LRRC4C: variants seen among roughly 807,000 people sequenced by gnomAD.
The protein encoded by LRRC4C is leucine-rich repeat-containing protein 4C.
In LRRC4C, 5 loss-of-function variants were observed where a neutral mutation model predicts 33.6. The ratio of observed to expected loss-of-function variants is 0.15; its 90% CI spans 0.08 to 0.31. The LOEUF is 0.31. Ranked by LOEUF, LRRC4C falls within the 10% of genes least tolerant of loss-of-function variation. The pLI, the probability that LRRC4C is intolerant of heterozygous loss-of-function variation, is 1.00. For missense variants in LRRC4C, 560 were observed against 796.7 expected (o/e 0.70, Z 3.58); for synonymous variants, 329 against 302.0 (o/e 1.09, Z -0.93).
intron 1 of LRRC4C, among the ~76,000 whole-genome samples, chr11:41,016,923 G>T (rs1457892251): frequency 6.6e-6 from 1 of 152,106 alleles, no homozygotes; most frequent in Non-Finnish European, 1.5e-5. Flanking sequence ...ATTTTTGAAG[G>T]AATTGGAAGG....
intron 2 of LRRC4C, among the ~76,000 whole-genome samples, chr11:40,694,510 C>A (rs937113778): frequency 1.3e-5 from 2 of 152,040 alleles, no homozygotes; most frequent in African/African-American, 4.8e-5. Flanking sequence ...GAGGTAATAG[C>A]AGCTAAATGC....
chr11:40,116,700 G>A (rs1184038075), intron 6 of LRRC4C, among the ~76,000 whole-genome samples: 1 of 152,056 alleles, frequency 6.6e-6, no homozygotes, highest in Non-Finnish European at 1.5e-5. Context: ...TAGGACTTTG[G>A]GGCTATATCA....
At chr11:40,338,765 C>T (rs1206917075) in intron 3 of LRRC4C, among the ~76,000 whole-genome samples, 2 of 152,084 alleles carry the variant, frequency 1.3e-5, no homozygotes, top group Non-Finnish European at 2.9e-5. Flanking sequence ...ATGAATGAAT[C>T]TCATCTATTG....
chr11:40,565,198 C>T (rs1281031846), intron 3 of LRRC4C, among the ~76,000 whole-genome samples: 1 of 152,144 alleles, frequency 6.6e-6, no homozygotes, highest in Non-Finnish European at 1.5e-5. Context: ...CCCCAGCAAC[C>T]GTGGAGAAAT....
chr11:40,669,389 T>C (rs1282385537), intron 2 of LRRC4C, among the ~76,000 whole-genome samples: 1 of 152,202 alleles, frequency 6.6e-6, no homozygotes, highest in Non-Finnish European at 1.5e-5. Context: ...AGAGACTCAC[T>C]TTTCCCTGCT....
At chr11:41,105,743 TAC>T (rs1941456468) in intron 1 of LRRC4C, among the ~76,000 whole-genome samples, 1 of 152,050 alleles carries the variant, frequency 6.6e-6, no homozygotes, top group Admixed American at 6.6e-5. Context: ...GTTGGAAATT[TAC>T]AGAGAACCAG....
intron 5 of LRRC4C, among the ~76,000 whole-genome samples, chr11:40,178,544 C>T (rs1042141912): frequency 5.3e-5 from 8 of 152,172 alleles, no homozygotes; most frequent in Non-Finnish European, 1.0e-4. Flanking sequence ...TGCTTTATGG[C>T]CTTCTGAAAT....
At chr11:40,902,945 C>T (rs527699707) in intron 2 of LRRC4C, among the ~76,000 whole-genome samples, 2 of 152,144 alleles carry the variant, frequency 1.3e-5, no homozygotes, top group African/African-American at 4.8e-5. Flanking sequence ...GCAAGTTACC[C>T]GGAAGATCTA....
At chr11:40,157,666 A>G (rs575973536) in intron 5 of LRRC4C, among the ~76,000 whole-genome samples, 17 of 152,312 alleles carry the variant, frequency 1.1e-4, no homozygotes, top group Admixed American at 5.9e-4. Context: ...AATGCTCAAC[A>G]TCATTAATGA....
chr11:40,416,762 A>G (rs1462496943), intron 3 of LRRC4C, among the ~76,000 whole-genome samples: 1 of 152,240 alleles, frequency 6.6e-6, no homozygotes, highest in African/African-American at 2.4e-5. Context: ...TCAAGGTTAC[A>G]TAGCCAGTGA....
chr11:41,127,103 T>G (rs1173910383), intron 1 of LRRC4C, among the ~76,000 whole-genome samples: 1 of 152,148 alleles, frequency 6.6e-6, no homozygotes. Context: ...AAAATTTCTC[T>G]GAGACAGTAT....
intron 2 of LRRC4C, among the ~76,000 whole-genome samples, chr11:40,854,447 A>G (rs1463286021): frequency 6.6e-6 from 1 of 152,168 alleles, no homozygotes; most frequent in African/African-American, 2.4e-5. Context: ...TGGGTAAATG[A>G]GTTTGGCTAG....
intron 5 of LRRC4C, among the ~76,000 whole-genome samples, chr11:40,220,465 A>G (rs1002059378): frequency 2.0e-5 from 3 of 152,154 alleles, no homozygotes; most frequent in Non-Finnish European, 4.4e-5. Flanking sequence ...TCCTACCTAT[A>G]TTCATTAGAA....
At chr11:41,145,346 C>G (rs964409266) in intron 1 of LRRC4C, among the ~76,000 whole-genome samples, 10 of 152,116 alleles carry the variant, frequency 6.6e-5, no homozygotes, top group Non-Finnish European at 1.5e-4. Context: ...TTTTAAACTA[C>G]TCATAATTAA....
intron 3 of LRRC4C, among the ~76,000 whole-genome samples, chr11:40,385,097 C>T (rs563512585): frequency 3.2e-4 from 49 of 152,208 alleles, no homozygotes; most frequent in Non-Finnish European, 4.4e-4. Context: ...TTTAACCACA[C>T]TCAAAGTTAT....
At chr11:40,137,547 C>G (rs1377697779) in intron 6 of LRRC4C, among the ~76,000 whole-genome samples, 4 of 152,094 alleles carry the variant, frequency 2.6e-5, no homozygotes, top group African/African-American at 7.2e-5. Flanking sequence ...TTTCCTTCTT[C>G]TTGACCAAAA....
intron 2 of LRRC4C, among the ~76,000 whole-genome samples, chr11:40,671,518 T>C (rs1475382171): frequency 6.6e-6 from 1 of 152,106 alleles, no homozygotes; most frequent in African/African-American, 2.4e-5. Flanking sequence ...TGCAGCATCA[T>C]TGGCCATCTT....
At chr11:40,633,125 G>A (rs1305688467) in intron 3 of LRRC4C, among the ~76,000 whole-genome samples, 1 of 152,086 alleles carries the variant, frequency 6.6e-6, no homozygotes, top group Non-Finnish European at 1.5e-5. Context: ...TATGTGGATA[G>A]ACAAATGAAT....
In LRRC4C at chr11:40,773,580, T is replaced by C. The variant is rs188016386; in HGVS notation, c.-406-125302A>G. 3.8e-3 allele frequency among the ~76,000 whole-genome samples: 580 copies of C among 152,102 alleles called. 2 individuals carry two copies. Among genetic ancestry groups the C allele is most frequent in the Non-Finnish European group, 6.0e-3 (407 of 67,948 alleles). The stretch of plus-strand genomic sequence containing the variant: ...TTGAAAGAGTATCTCATAATACATA[T>C]ATGAATAAATATGCAAAACCTATAT... On this transcript the variant is annotated intron_variant, in intron 2 of 6. Coordinates refer to ENST00000528697, the MANE Select transcript of LRRC4C (RefSeq NM_001258419.2).
Sources: gnomAD v4.1 joint callset for allele counts (sites outside exome capture counted in the v4.1 genomes callset) on GRCh38, gnomAD v4.1.1 for gene constraint, MANE v1.5 for transcripts, NCBI Gene and HGNC (gene_info 2026-07-23, HGNC 2026-07-21) for gene names.